The following PTBP2 variants were observed in gnomAD, a reference collection of about 807,000 sequenced individuals.
PTBP2 encodes the protein polypyrimidine tract binding protein 2.
A neutral mutation model predicts 61.4 loss-of-function variants in PTBP2; 13 were observed. The ratio of observed to expected loss-of-function variants is 0.21; its 90% CI spans 0.14 to 0.34. The LOEUF is 0.34. Ranked by LOEUF, PTBP2 falls within the 10% of genes least tolerant of loss-of-function variation. PTBP2 has a pLI of 1.00. For missense variants in PTBP2, 405 were observed against 642.6 expected (o/e 0.63, Z 4.00); for synonymous variants, 215 against 218.5 (o/e 0.98, Z 0.14).
intron 8 of PTBP2, among the ~76,000 whole-genome samples, chr1:96,787,426 G>GTTGA (rs2101082790): frequency 6.6e-6 from 1 of 152,252 alleles, no homozygotes; most frequent in Non-Finnish European, 1.5e-5. Flanking sequence ...CCACTTCTGT[G>GTTGA]TTGAATTTTT....
intron 11 of PTBP2, among the ~76,000 whole-genome samples, chr1:96,807,345 T>C (rs1483216417): frequency 1.3e-5 from 2 of 152,170 alleles, no homozygotes; most frequent in Admixed American, 1.3e-4. Context: ...TCTTCTAAAG[T>C]CTTGCGATAC....
chr1:96,790,200 G>T (rs1057306436), intron 8 of PTBP2, among the ~76,000 whole-genome samples: 59 of 151,200 alleles, frequency 3.9e-4, no homozygotes, highest in Non-Finnish European at 8.0e-4. Context: ...ATGTTAACTT[G>T]TTCCTCTATC....
At chr1:96,743,340 T>C (rs150822925) in intron 2 of PTBP2, among the ~76,000 whole-genome samples, 231 of 152,184 alleles carry the variant, frequency 1.5e-3, no homozygotes, top group African/African-American at 5.2e-3. Flanking sequence ...TGTCATTTCA[T>C]ATGTTCTTCA....
At chr1:96,739,187 T>C (rs1486179930) in intron 2 of PTBP2, among the ~76,000 whole-genome samples, 2 of 152,162 alleles carry the variant, frequency 1.3e-5, no homozygotes, top group Non-Finnish European at 2.9e-5. Context: ...TTTAAGTATT[T>C]TATGATAAAG....
chr1:96,822,450 A>G (rs1015385384), exon 14 of PTBP2: 3 of 152,218 alleles, frequency 2.0e-5, no homozygotes, highest in Admixed American at 2.0e-4. Flanking sequence ...GTCAGATTAT[A>G]GGCTGTGCTA....
intron 1 of PTBP2, 72 bp downstream of exon 1, chr1:96,721,944 C>G (rs1218642103): frequency 3.4e-5 from 53 of 1,545,490 alleles, no homozygotes; most frequent in Non-Finnish European, 4.4e-5. Context: ...GGTCCCGGGC[C>G]GGGGAGAAAC....
At chr1:96,805,052 A>T (rs1354262907) in intron 9 of PTBP2, 113 bp downstream of exon 9, 2 of 808,630 alleles carry the variant, frequency 2.5e-6, no homozygotes, top group East Asian at 5.6e-5. Flanking sequence ...TCATTAGTCA[A>T]AGTATTTTCT....
chr1:96,740,453 T>G lies in PTBP2; in HGVS notation c.40-10972T>G, dbSNP rs150296117. 4.5e-3 allele frequency among the ~76,000 whole-genome samples: 687 copies of G among 152,278 alleles called. 3 individuals are homozygous for G. Among genetic ancestry groups the G allele is most frequent in the East Asian group, 0.025 (130 of 5,178 alleles). ...CATCATGAAGGCCTTACTCTCATGA[T>G]CTCATGAAATCCTCCAGTTAACTCC... On this transcript the variant is annotated intron_variant, in intron 2 of 13. Transcript: ENST00000674951.
intron 2 of PTBP2, among the ~76,000 whole-genome samples, chr1:96,745,701 A>G (rs1653662756): frequency 6.6e-6 from 1 of 152,064 alleles, no homozygotes; most frequent in African/African-American, 2.4e-5. Context: ...TTGCTGTGAT[A>G]TACTCTTTTG....
At chr1:96,766,559 C>T (rs941684011) in intron 3 of PTBP2, among the ~76,000 whole-genome samples, 6 of 152,110 alleles carry the variant, frequency 3.9e-5, no homozygotes, top group African/African-American at 1.4e-4. Flanking sequence ...TTTTTGGACC[C>T]TTTTTCGGTG....
intron 8 of PTBP2, among the ~76,000 whole-genome samples, chr1:96,803,822 A>T (rs1005498506): frequency 1.3e-5 from 2 of 152,190 alleles, no homozygotes; most frequent in African/African-American, 4.8e-5. Context: ...TATGAAATCA[A>T]ATTCATTTAG....
chr1:96,726,660 A>G (rs1481227667), intron 2 of PTBP2, among the ~76,000 whole-genome samples: 1 of 152,036 alleles, frequency 6.6e-6, no homozygotes, highest in African/African-American at 2.4e-5. Flanking sequence ...GATAGTCTCT[A>G]TCTCCTGACC....
At chr1:96,780,321 TC>T (rs1447086583) in intron 7 of PTBP2, among the ~76,000 whole-genome samples, 2 of 151,918 alleles carry the variant, frequency 1.3e-5, no homozygotes, top group South Asian at 4.2e-4. Context: ...TTTCAATCCA[TC>T]CATCTATAAC....
In PTBP2 at chr1:96,804,832, C is replaced by T. The variant is rs1661349423; in HGVS notation, c.937C>T (p.Pro313Ser). 1 of 1,611,924 alleles carries T rather than the reference C, an allele frequency of 6.2e-7. No individual in the cohort carries two copies. The highest frequency in any genetic ancestry group is 1.3e-5 in the African/African-American group (1 of 74,828). ...AGGAGCTCTGAGTCCTTTGGCCATTCCAAATGCTGCTGCAGCAGCTGCTGC... is the reference window on the plus strand; with the variant it reads ...AGGAGCTCTGAGTCCTTTGGCCATTTCAAATGCTGCTGCAGCAGCTGCTGC... ...VPGALSPLAI[P>S]NAAAAAAAAA... The change falls in exon 9 of 14, where the codon CCA becomes TCA. Residue 313 changes from proline to serine, a missense_variant. Coordinates refer to ENST00000674951, the MANE Select transcript of PTBP2 (RefSeq NM_021190.4).
intron 2 of PTBP2, chr1:96,749,528 T>A (rs965467875): frequency 5.5e-6 from 2 of 365,392 alleles, no homozygotes; most frequent in Non-Finnish European, 1.1e-5. Flanking sequence ...TTCTTACTTT[T>A]AGAATATCTG....
At chr1:96,754,545 AAAG>A (rs1292772643) in intron 3 of PTBP2, among the ~76,000 whole-genome samples, 3 of 152,162 alleles carry the variant, frequency 2.0e-5, no homozygotes, top group African/African-American at 7.2e-5. Flanking sequence ...AAAAAGATAA[AAAG>A]AAGTATAACG....
intron 3 of PTBP2, among the ~76,000 whole-genome samples, chr1:96,756,373 C>T (rs1032254437): frequency 6.6e-6 from 1 of 152,200 alleles, no homozygotes; most frequent in Non-Finnish European, 1.5e-5. Context: ...TCACTCCAAC[C>T]TGGGCAACAA....
Position 96,769,864 on chromosome 1 carries a change from G to A in PTBP2, c.277G>A (p.Gly93Arg). 1 of 1,584,118 alleles carries A rather than the reference G, an allele frequency of 6.3e-7. No homozygotes were observed. Among genetic ancestry groups the A allele is most frequent in the South Asian group, 1.2e-5 (1 of 85,494 alleles). ...GKVTNILMLK[G>R]KNQAFLELAT... ...GGTGACCAACATCCTTATGCTGAAA[G>A]GAAAAAATCAGGTACACTTCTTTCA... Residue 93 changes from glycine (G) to arginine (R), a missense_variant, in exon 4 of 14, where the codon GGA (glycine) becomes AGA (arginine). Transcript: ENST00000674951.
chr1:96,816,945 C>T (rs115484764), downstream of PTBP2: 815 of 152,162 alleles, frequency 5.4e-3, 8 homozygotes, highest in African/African-American at 0.019. Flanking sequence ...CCTAATATGT[C>T]TTTTTGCTAC....
Sources: gnomAD v4.1 joint callset for allele counts (sites outside exome capture counted in the v4.1 genomes callset) on GRCh38, gnomAD v4.1.1 for gene constraint, MANE v1.5 for transcripts, NCBI Gene and HGNC (gene_info 2026-07-23, HGNC 2026-07-21) for gene names.